NFIB: variants seen among roughly 807,000 people sequenced by gnomAD.
The protein encoded by NFIB is nuclear factor I B.
Under a neutral mutation model 61.5 loss-of-function variants are expected in NFIB, and 11 were observed. That is an observed-to-expected ratio of 0.18 (90% confidence interval 0.11 to 0.30). The LOEUF is 0.30. Ranked by LOEUF, NFIB falls within the 10% of genes least tolerant of loss-of-function variation. The pLI, the probability that NFIB is intolerant of heterozygous loss-of-function variation, is 1.00. For synonymous variants in NFIB, 260 were observed against 216.5 expected, an observed-to-expected ratio of 1.20 and a Z score of -1.76; for missense variants, 471 against 608.9, an observed-to-expected ratio of 0.77 and a Z score of 2.38.
intron 1 of NFIB, among the ~76,000 whole-genome samples, chr9:14,375,152 ACT>A (rs1197780515): frequency 6.6e-6 from 1 of 152,010 alleles, no homozygotes; most frequent in Non-Finnish European, 1.5e-5. Context: ...CATAAGAGAA[ACT>A]CTACCTCTGG....
At chr9:14,344,134 GAA>G (rs1554715518) in intron 1 of NFIB, among the ~76,000 whole-genome samples, 1 of 148,022 alleles carries the variant, frequency 6.8e-6, no homozygotes, top group African/African-American at 2.5e-5. Context: ...GAGAGAGAGA[GAA>G]ACACTAAGGT....
intron 1 of NFIB, among the ~76,000 whole-genome samples, chr9:14,393,185 C>T (rs1283992018): frequency 1.3e-5 from 2 of 151,920 alleles, no homozygotes; most frequent in African/African-American, 4.8e-5. Flanking sequence ...AATCGTGTCT[C>T]CTTAGCCAAC....
chr9:14,191,657 A>G (rs1430746012), intron 2 of NFIB, among the ~76,000 whole-genome samples: 1 of 152,164 alleles, frequency 6.6e-6, no homozygotes, highest in Non-Finnish European at 1.5e-5. Flanking sequence ...AAGGTTCTGC[A>G]TAATGTCCCA....
rs900035639 is a variant in NFIB at position 14,228,443 on chromosome 9, G to A, written c.563-48663C>T. 9.2e-5 allele frequency among the ~76,000 whole-genome samples: 14 copies of A among 152,024 alleles called. No individual in the cohort carries two copies. In the East Asian group the frequency reaches 1.2e-3, roughly 13 times the overall value. On this transcript the variant is annotated intron_variant, in intron 2 of 10. Coordinates refer to ENST00000380953, the MANE Select transcript of NFIB (RefSeq NM_001190737.2). ...ACTCCTGACCTCAGGTCATCTACCC[G>A]CCTCAGCCTCCCAAAGCCTCCCAGA...
At chr9:14,489,714 T>C in the NFIB span, among the ~76,000 whole-genome samples, 1 of 152,156 alleles carries the variant, frequency 6.6e-6, no homozygotes, top group African/African-American at 2.4e-5. Flanking sequence ...AATAATAGTA[T>C]GCCACACCCA....
intron 10 of NFIB, among the ~76,000 whole-genome samples, chr9:14,112,351 G>A (rs2037504728): frequency 6.6e-6 from 1 of 152,112 alleles, no homozygotes; most frequent in Non-Finnish European, 1.5e-5. Context: ...CTGGCTGTAT[G>A]TTTTCACAGT....
rs2046554247 is a variant in NFIB at position 14,179,733 on chromosome 9, G to T, written c.610C>A (p.Pro204Thr). The change falls in exon 3 of 11, where the codon CCT becomes ACT. Residue 204 changes from proline to threonine, a missense_variant. By Grantham distance (38) the Pro-to-Thr change is conservative. Coordinates refer to ENST00000380953, the MANE Select transcript of NFIB (RefSeq NM_001190737.2). ...SPSHNDPAKN[P>T]PGYLEDSFVK... ...TCCTGGAACACATATTTACCTGGAGGATTCTTGGCAGGATCATTGTGGCTT... is the reference window on the plus strand; with the variant it reads ...TCCTGGAACACATATTTACCTGGAGTATTCTTGGCAGGATCATTGTGGCTT... 6.2e-7 allele frequency: 1 copy of T among 1,613,590 alleles called. No homozygotes were observed. The highest frequency in any genetic ancestry group is 1.3e-5 in the African/African-American group (1 of 75,008).
At position 14,313,361 on chromosome 9, in the gene NFIB, C is replaced by T. The variant is rs2060382261; in HGVS notation, c.30+121G>A. On this transcript the variant is annotated intron_variant, in intron 1 of 10. Coordinates refer to ENST00000380953, the MANE Select transcript of NFIB (RefSeq NM_001190737.2). This position sits in a 1 kb window ranked among gnomAD's most constrained non-coding sequence, Gnocchi z 4.5. ...CGCGACGCCCGCTGCAACTCCGGGC[C>T]ACTTCTCCAAGGGACGGGGATGTGC... 4 of 1,415,968 alleles carry T rather than the reference C, an allele frequency of 2.8e-6. No homozygotes were observed. Among genetic ancestry groups the T allele is most frequent in the Non-Finnish European group, 3.9e-6 (4 of 1,038,846 alleles). 87.7% of individuals were successfully genotyped at this position (1,415,968 alleles called of 1,614,324 possible).
chr9:14,150,113 C>A, intron 5 of NFIB, 32 bp downstream of exon 5: 1 of 1,612,548 alleles, frequency 6.2e-7, no homozygotes, highest in Non-Finnish European at 8.5e-7. Context: ...GTGTGTATCA[C>A]TTGAGAATAT....
intron 1 of NFIB, among the ~76,000 whole-genome samples, chr9:14,361,108 C>T (rs1303857799): frequency 2.0e-5 from 3 of 152,052 alleles, no homozygotes; most frequent in African/African-American, 7.2e-5. Flanking sequence ...TTGTTTTCCT[C>T]CACTTTCAAA....
At chr9:14,462,346 G>T in the NFIB span, among the ~76,000 whole-genome samples, 1 of 150,842 alleles carries the variant, frequency 6.6e-6, no homozygotes, top group Non-Finnish European at 1.5e-5. Context: ...GCAGTGGCGC[G>T]ATCTTGGCTC....
intron 2 of NFIB, among the ~76,000 whole-genome samples, chr9:14,222,707 A>ATGGC (rs1453348840): frequency 6.7e-6 from 1 of 148,762 alleles, no homozygotes. Context: ...AGCTGGGAGG[A>ATGGC]TGGCTTAAGC....
At chr9:14,363,758 T>C (rs1423952781) in intron 1 of NFIB, among the ~76,000 whole-genome samples, 3 of 152,114 alleles carry the variant, frequency 2.0e-5, no homozygotes, top group Non-Finnish European at 4.4e-5. Flanking sequence ...TCAAGGCATA[T>C]ATTAACTTTT....
At chr9:14,385,606 T>C (rs888481636) in intron 1 of NFIB, among the ~76,000 whole-genome samples, 2 of 152,144 alleles carry the variant, frequency 1.3e-5, no homozygotes, top group African/African-American at 4.8e-5. Context: ...CCCACCAATA[T>C]TCCTAGCAAC....
chr9:14,253,336 G>C (rs961918341), intron 2 of NFIB, among the ~76,000 whole-genome samples: 1 of 152,180 alleles, frequency 6.6e-6, no homozygotes, highest in Admixed American at 6.5e-5. Context: ...GGACTGAGTG[G>C]TCACCACCAA....
At chr9:14,104,030 G>A (rs565046335) in intron 10 of NFIB, among the ~76,000 whole-genome samples, 9 of 151,784 alleles carry the variant, frequency 5.9e-5, no homozygotes, top group African/African-American at 2.2e-4. Flanking sequence ...CAATTCTCCT[G>A]CCTCAGCTTC....
chr9:14,233,660 C>A (rs1429641769), intron 2 of NFIB, among the ~76,000 whole-genome samples: 5 of 152,042 alleles, frequency 3.3e-5, no homozygotes, highest in African/African-American at 1.2e-4. Flanking sequence ...AAACTCCTGA[C>A]CTCAGGTGAT....
chr9:14,438,816 G>A, the NFIB span, among the ~76,000 whole-genome samples: 1 of 152,118 alleles, frequency 6.6e-6, no homozygotes, highest in African/African-American at 2.4e-5. Flanking sequence ...CTGAAGGCCT[G>A]GGGCGGCAGA....
intron 1 of NFIB, among the ~76,000 whole-genome samples, chr9:14,331,447 T>C (rs549087888): frequency 3.2e-4 from 48 of 152,328 alleles, no homozygotes; most frequent in African/African-American, 1.2e-3. Context: ...CCCAGGCACA[T>C]TCTTCTAAAT....
Sources: allele counts gnomAD v4.1 joint callset (sites outside exome capture counted in the v4.1 genomes callset), GRCh38; gene constraint gnomAD v4.1.1; non-coding constraint Gnocchi (gnomAD v3.1); transcripts MANE v1.5; gene names NCBI Gene and HGNC (gene_info 2026-07-23, HGNC 2026-07-21).